Variants in CCDC148 observed in about 807,000 individuals in gnomAD.
CCDC148 encodes the protein coiled-coil domain-containing protein 148.
Under a neutral mutation model 85.7 loss-of-function variants are expected in CCDC148, and 89 were observed. The ratio of observed to expected loss-of-function variants is 1.04; its 90% CI spans 0.87 to 1.24. CCDC148 has a LOEUF of 1.24. Among genes scored for constraint, CCDC148 ranks in the 50% most tolerant of loss-of-function variants. CCDC148 has a pLI of 0.00. For missense variants in CCDC148, 692 were observed against 671.7 expected, an observed-to-expected ratio of 1.03 and a Z score of -0.33; for synonymous variants, 230 against 213.9, an observed-to-expected ratio of 1.08 and a Z score of -0.66.
intron 11 of CCDC148, among the ~76,000 whole-genome samples, chr2:158,219,804 A>G (rs1687076725): frequency 6.6e-6 from 1 of 152,190 alleles, no homozygotes; most frequent in East Asian, 1.9e-4. Flanking sequence ...TAGCTTCCAC[A>G]GTAAGGTGTG....
At chr2:158,358,761 C>T (rs187446886) in intron 1 of CCDC148, among the ~76,000 whole-genome samples, 191 bp from the exon 2 acceptor site, 347 of 151,674 alleles carry the variant, frequency 2.3e-3, no homozygotes, top group Admixed American at 4.8e-3. Context: ...ATAATATAGC[C>T]ACTTTATTTC....
At chr2:158,311,332 G>A (rs1232456837) in intron 8 of CCDC148, among the ~76,000 whole-genome samples, 5 of 152,236 alleles carry the variant, frequency 3.3e-5, no homozygotes, top group East Asian at 1.9e-4. Context: ...CCAGTCAGGC[G>A]TGGCGGCGCG....
chr2:158,192,803 A>G (rs981807144), intron 11 of CCDC148, among the ~76,000 whole-genome samples: 2 of 151,890 alleles, frequency 1.3e-5, no homozygotes, highest in Non-Finnish European at 2.9e-5. Context: ...AATATTGCCC[A>G]TTAAGGATAG....
At chr2:158,228,201 G>GA (rs34140182) in intron 10 of CCDC148, among the ~76,000 whole-genome samples, 4 of 152,132 alleles carry the variant, frequency 2.6e-5, no homozygotes. Context: ...AAAGACACAG[G>GA]AAAAAATGCT....
chr2:158,213,501 A>C (rs891919739), intron 11 of CCDC148, among the ~76,000 whole-genome samples: 6 of 152,216 alleles, frequency 3.9e-5, no homozygotes, highest in Non-Finnish European at 8.8e-5. Flanking sequence ...TGTTAACTAC[A>C]ACAGAGCTGA....
chr2:158,194,396 T>C (rs1194450722), intron 11 of CCDC148, among the ~76,000 whole-genome samples: 8 of 152,318 alleles, frequency 5.3e-5, no homozygotes, highest in African/African-American at 1.9e-4. Context: ...CAGATGGAAC[T>C]ACTGAAACTC....
chr2:158,416,943 G>T (rs1686527623), intron 1 of CCDC148, among the ~76,000 whole-genome samples: 1 of 152,172 alleles, frequency 6.6e-6, no homozygotes, highest in African/African-American at 2.4e-5. Context: ...GGCTAGGAAG[G>T]CCTTAAGAAA....
chr2:158,332,996 T>G (rs903340135), intron 7 of CCDC148, among the ~76,000 whole-genome samples: 1 of 152,154 alleles, frequency 6.6e-6, no homozygotes, highest in African/African-American at 2.4e-5. Context: ...CTGGATTCAT[T>G]GATTTTTTTG....
At chr2:158,328,710 C>G (rs953515812) in intron 7 of CCDC148, among the ~76,000 whole-genome samples, 2 of 152,334 alleles carry the variant, frequency 1.3e-5, no homozygotes, top group African/African-American at 4.8e-5. Context: ...GCCATTCTAA[C>G]TGGTGTGAGA....
chr2:158,406,624 T>C lies in CCDC148; in HGVS notation c.26-48054A>G, dbSNP rs13421517. On this transcript the variant is annotated intron_variant, in intron 1 of 13. Transcript: ENST00000283233. ...AACAGATTAAATTTCTTTTTTTTTT[T>C]TTTTTTTTTTTTTTTTGAGACAGTG... is the stretch of plus-strand genomic sequence containing the variant. 2.2e-3 allele frequency among the ~76,000 whole-genome samples: 55 copies of C among 24,794 alleles called. 2 individuals carry two copies. The highest frequency in any genetic ancestry group is 5.4e-3 in the East Asian group (2 of 372). The allele number at this position is 24,794 out of a possible 152,430, so 16.3% of individuals were successfully genotyped here. A position where few individuals can be genotyped will look rare whatever the true frequency, so the allele number is the denominator to read the frequency against.
chr2:158,272,098 C>T (rs1311797423), intron 9 of CCDC148, among the ~76,000 whole-genome samples: 1 of 152,078 alleles, frequency 6.6e-6, no homozygotes, highest in African/African-American at 2.4e-5. Context: ...AATATCAGGA[C>T]AAAATATAAG....
intron 7 of CCDC148, 81 bp from the exon 8 acceptor site, chr2:158,313,975 A>C: frequency 1.5e-6 from 2 of 1,345,858 alleles, no homozygotes; most frequent in Non-Finnish European, 2.0e-6. Context: ...GCTACTAGCA[A>C]GTGATAGTAA....
intron 1 of CCDC148, chr2:158,447,572 G>A (rs1478744067): frequency 6.6e-6 from 1 of 152,144 alleles, no homozygotes; most frequent in East Asian, 1.9e-4. Context: ...TCATCACTGT[G>A]TATTGTCAAT....
rs181959085 is a variant in CCDC148 at position 158,422,766 on chromosome 2, T to C, written c.25+33649A>G. Reference sequence around the variant, plus strand: ...AGGCAGGAGAAAGAAATAAAGGGTATTCAGTTAGGAAAAGAGGAATTCAAA... The same window carrying C: ...AGGCAGGAGAAAGAAATAAAGGGTACTCAGTTAGGAAAAGAGGAATTCAAA... On this transcript the variant is annotated intron_variant, in intron 1 of 13. Coordinates refer to ENST00000283233, the MANE Select transcript of CCDC148 (RefSeq NM_138803.4). Among the ~76,000 whole-genome samples, 4 of 152,160 alleles carry C rather than the reference T, an allele frequency of 2.6e-5. No homozygotes were observed. The East Asian group carries it at 7.7e-4, about 29-fold the overall frequency.
chr2:158,337,836 T>C (rs767078142), intron 7 of CCDC148, among the ~76,000 whole-genome samples: 2 of 152,204 alleles, frequency 1.3e-5, no homozygotes, highest in Non-Finnish European at 2.9e-5. Flanking sequence ...ATTTATTTCT[T>C]ACAATTAATA....
At chr2:158,178,833 T>C in intron 12 of CCDC148, 46 bp downstream of exon 12, 1 of 1,251,446 alleles carries the variant, frequency 8.0e-7, no homozygotes, top group Non-Finnish European at 1.1e-6. Flanking sequence ...CTTAGAAACA[T>C]TTTTTTTAAA....
intron 5 of CCDC148, among the ~76,000 whole-genome samples, chr2:158,339,707 T>C (rs1485950545): frequency 1.1e-4 from 16 of 151,986 alleles, no homozygotes; most frequent in Admixed American, 6.6e-5. Flanking sequence ...TGAGCCAAGA[T>C]CTAAATGGCA....
At chr2:158,357,799 A>T (rs1404802173) in intron 2 of CCDC148, among the ~76,000 whole-genome samples, 2 of 152,218 alleles carry the variant, frequency 1.3e-5, no homozygotes, top group African/African-American at 4.8e-5. Flanking sequence ...GAAAATTTTA[A>T]ATACAAATAA....
At chr2:158,375,394 T>C (rs957521655) in intron 1 of CCDC148, among the ~76,000 whole-genome samples, 1 of 152,128 alleles carries the variant, frequency 6.6e-6, no homozygotes, top group Non-Finnish European at 1.5e-5. Context: ...TTCTGATTAA[T>C]GGTCACAAAT....
Sources: gnomAD v4.1 joint callset for allele counts (sites outside exome capture counted in the v4.1 genomes callset) on GRCh38, gnomAD v4.1.1 for gene constraint, MANE v1.5 for transcripts, NCBI Gene and HGNC (gene_info 2026-07-23, HGNC 2026-07-21) for gene names.